The following PLEKHM3 variants were observed in gnomAD, a reference collection of about 807,000 sequenced individuals.
PLEKHM3 encodes pleckstrin homology domain-containing family M member 3.
A neutral mutation model predicts 81.8 loss-of-function variants in PLEKHM3; 45 were observed. That is an observed-to-expected ratio of 0.55 (90% CI 0.43 to 0.71). The LOEUF (loss-of-function observed/expected upper bound fraction) is 0.71, where lower values mean the gene tolerates loss of function less well. Ranked by LOEUF, PLEKHM3 falls within the 30% of genes least tolerant of loss-of-function variation. The pLI, the probability that PLEKHM3 is intolerant of heterozygous loss-of-function variation, is 0.00. For synonymous variants in PLEKHM3, 352 were observed against 356.4 expected (o/e 0.99, Z 0.14); for missense variants, 788 against 924.3 (o/e 0.85, Z 1.91).
chr2:207,859,393 C>T (rs1054424819), intron 7 of PLEKHM3, among the ~76,000 whole-genome samples: 2 of 151,920 alleles, frequency 1.3e-5, no homozygotes, highest in African/African-American at 2.4e-5. Context: ...CTGCCTTGGC[C>T]TCCCAAAGTG....
chr2:207,880,794 AAAACAAAC>A (rs1319639712), intron 6 of PLEKHM3, among the ~76,000 whole-genome samples: 4 of 141,452 alleles, frequency 2.8e-5, no homozygotes, highest in South Asian at 4.5e-4. Context: ...AAAAACCAAA[AAAACAAAC>A]AAACAAAAAA....
intron 6 of PLEKHM3, among the ~76,000 whole-genome samples, chr2:207,893,224 A>C (rs1688114882): frequency 6.6e-6 from 1 of 152,228 alleles, no homozygotes; most frequent in South Asian, 2.1e-4. Flanking sequence ...CTGCCACCCC[A>C]AAGCCTTTTG....
intron 2 of PLEKHM3, among the ~76,000 whole-genome samples, chr2:207,993,501 CTTT>C (rs35352546): frequency 7.6e-5 from 11 of 144,296 alleles, no homozygotes; most frequent in Admixed American, 1.4e-4. Context: ...CCAAATTTGG[CTTT>C]TTTTTTTTTT....
At chr2:208,018,054 C>T (rs540427643) in intron 1 of PLEKHM3, among the ~76,000 whole-genome samples, 3 of 152,194 alleles carry the variant, frequency 2.0e-5, no homozygotes, top group African/African-American at 7.2e-5. Flanking sequence ...GTGGCTTTAG[C>T]TGCAATCCAC....
intron 2 of PLEKHM3, among the ~76,000 whole-genome samples, chr2:207,982,230 TCA>T (rs1396632141): frequency 3.4e-5 from 2 of 58,176 alleles, no homozygotes; most frequent in African/African-American, 1.5e-4. Context: ...CCTCCCTCCC[TCA>T]CTCCCCCCCT....
At chr2:207,969,731 G>A (rs536156388) in intron 3 of PLEKHM3, among the ~76,000 whole-genome samples, 2 of 152,282 alleles carry the variant, frequency 1.3e-5, no homozygotes, top group Admixed American at 6.5e-5. Context: ...ATCCTTGGAG[G>A]ACTAAGTTAC....
chr2:208,021,505 T>C (rs914754379), intron 1 of PLEKHM3, among the ~76,000 whole-genome samples: 1 of 152,226 alleles, frequency 6.6e-6, no homozygotes, highest in Middle Eastern at 3.2e-3. Context: ...AATCACTTTC[T>C]GCCACATAAT....
rs1236531421 is a variant in PLEKHM3 at position 207,962,705 on chromosome 2, A to C, written c.1546+13946T>G. ...CTAATTCCGGGTGGTCAGTGACAGA[A>C]CTGTATTGCAGTATCTAATTGGAGT... is the stretch of plus-strand genomic sequence containing the variant. On this transcript the variant is annotated intron_variant, in intron 3 of 7. Transcript: ENST00000427836. 2.0e-5 allele frequency among the ~76,000 whole-genome samples: 3 copies of C among 152,198 alleles called. No homozygotes were observed. The East Asian group carries it at 5.8e-4, about 29-fold the overall frequency.
At chr2:207,956,226 G>A (rs1314617087) in intron 3 of PLEKHM3, among the ~76,000 whole-genome samples, 3 of 152,140 alleles carry the variant, frequency 2.0e-5, no homozygotes, top group Non-Finnish European at 4.4e-5. Flanking sequence ...TAGCACTTTG[G>A]GAGGCTAAGG....
chr2:207,989,198 C>T (rs1691817451), intron 2 of PLEKHM3, among the ~76,000 whole-genome samples: 1 of 152,140 alleles, frequency 6.6e-6, no homozygotes, highest in South Asian at 2.1e-4. Context: ...GTGGAGATAC[C>T]AAACCAATCA....
At chr2:207,960,269 T>C (rs1287757965) in intron 3 of PLEKHM3, among the ~76,000 whole-genome samples, 2 of 152,156 alleles carry the variant, frequency 1.3e-5, no homozygotes, top group Admixed American at 6.5e-5. Flanking sequence ...CAGGTTTCTG[T>C]CTGCTATGAT....
At chr2:207,876,379 G>C (rs181908344) in intron 6 of PLEKHM3, among the ~76,000 whole-genome samples, 1 of 152,068 alleles carries the variant, frequency 6.6e-6, no homozygotes, top group East Asian at 1.9e-4. Context: ...TAAAAATGTA[G>C]AAAGTCTCTA....
At chr2:208,006,868 G>A (rs1692509446) in intron 1 of PLEKHM3, among the ~76,000 whole-genome samples, 2 of 152,172 alleles carry the variant, frequency 1.3e-5, no homozygotes, top group South Asian at 2.1e-4. Context: ...TCAACCCAAA[G>A]AATCCTATGC....
rs567215267 is a variant in PLEKHM3 at position 207,841,968 on chromosome 2, C to G, written c.2109-13472G>C. On this transcript the variant is annotated intron_variant, in intron 7 of 7. Coordinates refer to ENST00000427836, the MANE Select transcript of PLEKHM3 (RefSeq NM_001080475.3). ...TATTTTTATTTTTGAGACGGAGTCT[C>G]TCTCTGTCACCCAGGCTGGAGTCCA... 3.9e-5 allele frequency among the ~76,000 whole-genome samples: 6 copies of G among 152,298 alleles called. No individual in the cohort carries two copies. The South Asian group carries it at 1.2e-3, about 32-fold the overall frequency.
intron 5 of PLEKHM3, chr2:207,929,760 A>G (rs1010659922): frequency 4.1e-6 from 2 of 492,428 alleles, no homozygotes. Context: ...GCTTGTCTAG[A>G]TATTATATAT....
chr2:207,836,547 A>G (rs2092320695), intron 7 of PLEKHM3, among the ~76,000 whole-genome samples: 1 of 152,154 alleles, frequency 6.6e-6, no homozygotes, highest in Non-Finnish European at 1.5e-5. Flanking sequence ...GTGCAGGGGG[A>G]AAAGGTTTGC....
At chr2:207,932,351 C>T (rs1259548460) in intron 4 of PLEKHM3, among the ~76,000 whole-genome samples, 1 of 152,182 alleles carries the variant, frequency 6.6e-6, no homozygotes, top group Non-Finnish European at 1.5e-5. Flanking sequence ...ACATACCAAT[C>T]ACTGACAGTG....
intron 3 of PLEKHM3, among the ~76,000 whole-genome samples, chr2:207,957,047 G>A (rs1285227030): frequency 6.6e-6 from 1 of 152,084 alleles, no homozygotes; most frequent in Non-Finnish European, 1.5e-5. Context: ...GACAGACGTT[G>A]GGGGCATGCA....
At chr2:207,915,625 A>AGCTTTAAAGAAAATAAGCT (rs1688966045) in intron 5 of PLEKHM3, among the ~76,000 whole-genome samples, 1 of 152,194 alleles carries the variant, frequency 6.6e-6, no homozygotes, top group Non-Finnish European at 1.5e-5. Flanking sequence ...CAATGGAAAT[A>AGCTTTAAAGAAAATAAGCT]TCTCATCTTA....
Sources: gnomAD v4.1 joint callset for allele counts (sites outside exome capture counted in the v4.1 genomes callset) on GRCh38, gnomAD v4.1.1 for gene constraint, MANE v1.5 for transcripts, NCBI Gene and HGNC (gene_info 2026-07-23, HGNC 2026-07-21) for gene names.